The following TRPM2 variants were observed in gnomAD, a reference collection of about 807,000 sequenced individuals.
The protein encoded by TRPM2 is estrogen-responsive element-associated gene 1 protein.
TRPM2 carries 161 observed loss-of-function variants against 174.0 expected under a neutral mutation model. The observed-to-expected ratio is 0.93, with a 90% confidence interval of 0.81 to 1.05. The LOEUF (loss-of-function observed/expected upper bound fraction) is 1.05, where lower values mean the gene tolerates loss of function less well. Ranked by LOEUF, TRPM2 falls within the 50% of genes least tolerant of loss-of-function variation. The probability of loss-of-function intolerance (pLI) is 0.00; values close to 1 mark genes in which losing one functional copy is unlikely to be tolerated. For missense variants in TRPM2, 2,057 were observed against 2,038.0 expected (o/e 1.01, Z -0.18); for synonymous variants, 954 against 861.3 (o/e 1.11, Z -1.88).
At chr21:44,393,631 C>T (rs193184840) in intron 11 of TRPM2, among the ~76,000 whole-genome samples, 292 of 151,444 alleles carry the variant, frequency 1.9e-3, no homozygotes, top group African/African-American at 6.5e-3. Flanking sequence ...TAAGCTTGGT[C>T]GACTCCCCTG....
At chr21:44,413,240 T>C (rs1458480085) in intron 19 of TRPM2, among the ~76,000 whole-genome samples, 4 of 150,736 alleles carry the variant, frequency 2.7e-5, no homozygotes, top group African/African-American at 4.9e-5. Context: ...TTTTTTTTTT[T>C]TTTTTTTTAA....
intron 9 of TRPM2, among the ~76,000 whole-genome samples, chr21:44,384,379 G>T (rs576478205): frequency 6.6e-6 from 1 of 152,152 alleles, no homozygotes; most frequent in African/African-American, 2.4e-5. Context: ...AAATTGAGGG[G>T]CCAGCATCTG....
intron 8 of TRPM2, among the ~76,000 whole-genome samples, chr21:44,380,469 G>A (rs2146207689): frequency 6.6e-6 from 1 of 152,304 alleles, no homozygotes; most frequent in South Asian, 2.1e-4. Context: ...TCTCAGAACT[G>A]AGTTTAATCT....
chr21:44,352,019 G>A (rs1417824338), upstream of TRPM2, among the ~76,000 whole-genome samples: 2 of 152,324 alleles, frequency 1.3e-5, no homozygotes, highest in Admixed American at 6.5e-5. Flanking sequence ...TCCTCATCCC[G>A]TGCAGGGTGG....
At chr21:44,385,417 C>T (rs2048992550) in intron 9 of TRPM2, among the ~76,000 whole-genome samples, 1 of 152,196 alleles carries the variant, frequency 6.6e-6, no homozygotes, top group Admixed American at 6.5e-5. Flanking sequence ...AACAACCTAA[C>T]TTTACAGCTT....
intron 17 of TRPM2, 104 bp downstream of exon 17, chr21:44,405,364 T>C: frequency 6.6e-7 from 1 of 1,522,584 alleles, no homozygotes; most frequent in South Asian, 1.2e-5. Flanking sequence ...GAGGCTCAGC[T>C]CGTCTGTGAA....
chr21:44,386,410 C>T (rs1175849998), intron 9 of TRPM2, among the ~76,000 whole-genome samples: 1 of 151,328 alleles, frequency 6.6e-6, no homozygotes, highest in Non-Finnish European at 1.5e-5. Flanking sequence ...CGTTCCCCCA[C>T]CACCAAAAAA....
chr21:44,400,480 G>A, intron 15 of TRPM2, 109 bp downstream of exon 15: 1 of 941,286 alleles, frequency 1.1e-6, no homozygotes, highest in Non-Finnish European at 1.6e-6. Flanking sequence ...CAAGTCATGT[G>A]TCCTCAGAAT....
intron 2 of TRPM2, among the ~76,000 whole-genome samples, chr21:44,360,856 C>A (rs576050256): frequency 6.6e-6 from 1 of 152,038 alleles, no homozygotes; most frequent in African/African-American, 2.4e-5. Flanking sequence ...TGTGAGCCAC[C>A]GCTCTTGGCC....
At chr21:44,424,830 T>G in intron 23 of TRPM2, 22 bp from the exon 24 acceptor site, 2 of 1,543,726 alleles carry the variant, frequency 1.3e-6, no homozygotes, top group Non-Finnish European at 1.8e-6. Flanking sequence ...GTGCTCACTG[T>G]GTCTCGGGCC....
At chr21:44,386,446 A>T (rs1395535105) in intron 9 of TRPM2, among the ~76,000 whole-genome samples, 2 of 152,178 alleles carry the variant, frequency 1.3e-5, no homozygotes, top group Admixed American at 6.6e-5. Context: ...CTATACACTA[A>T]AAATGAATAA....
chr21:44,389,993 C>G (rs1569049756), intron 9 of TRPM2, among the ~76,000 whole-genome samples: 2 of 151,948 alleles, frequency 1.3e-5, no homozygotes, highest in Admixed American at 6.6e-5. Flanking sequence ...CAGCTTCAGC[C>G]TCCCAAGTAG....
intron 15 of TRPM2, 48 bp downstream of exon 15, chr21:44,400,419 G>A (rs750912951): frequency 9.8e-6 from 15 of 1,527,946 alleles, no homozygotes; most frequent in Middle Eastern, 1.8e-4. Context: ...GCGGGGCTGC[G>A]GGAGAGGCTC....
Position 44,420,901 on chromosome 21 carries a change from A to G in TRPM2, c.3461+2346A>G, listed in dbSNP as rs1190276895. On this transcript the variant is annotated intron_variant, in intron 22 of 31. Coordinates refer to ENST00000397928, the MANE Select transcript of TRPM2 (RefSeq NM_003307.4). ...TTCCTTCCACTTTTACCCATGAGGA[A>G]GTGGAGGCCCAGGAAAGTGAGAGAG... Among the ~76,000 whole-genome samples, 4 of 152,180 alleles carry G rather than the reference A, an allele frequency of 2.6e-5. 1 individual carries two copies. Among genetic ancestry groups the G allele is most frequent in the Admixed American group, 2.6e-4 (4 of 15,282 alleles).
At chr21:44,382,870 C>A (rs1308063346) in intron 9 of TRPM2, 50 bp downstream of exon 9, 1 of 1,507,626 alleles carries the variant, frequency 6.6e-7, no homozygotes. Flanking sequence ...AGAACGTGAG[C>A]TCTGAGGACG....
Position 44,441,853 on chromosome 21 carries a change from C to G in TRPM2, c.*36C>G. 6.4e-7 allele frequency: 1 copy of G among 1,558,426 alleles called. No homozygotes were observed. The highest frequency in any genetic ancestry group is 8.7e-7 in the Non-Finnish European group (1 of 1,149,534). On this transcript the variant is annotated 3_prime_UTR_variant, in exon 32 of 32. Coordinates refer to ENST00000397928, the MANE Select transcript of TRPM2 (RefSeq NM_003307.4). The stretch of plus-strand genomic sequence containing the variant: ...AGGCTGGGCGGCTCCAGTCCATAGA[C>G]GTTCCCCCCAGAAACCAGGGCTTCT...
At position 44,428,076 on chromosome 21, in the gene TRPM2, C is replaced by T. The variant is rs141842320; in HGVS notation, c.3974+965C>T. On this transcript the variant is annotated intron_variant, in intron 27 of 31. Transcript: ENST00000397928. ...GACTTGGCAGGACGTGGTGTCCATG[C>T]GGGCTTTAGTAGTGCAGAAGAGCAC... Among the ~76,000 whole-genome samples the T allele has an allele frequency of 2.6e-5, 4 of 152,228 alleles. No individual in the cohort carries two copies. In the East Asian group the frequency reaches 5.8e-4, roughly 22 times the overall value.
chr21:44,373,109 G>A (rs1398619021), intron 5 of TRPM2, among the ~76,000 whole-genome samples: 1 of 152,124 alleles, frequency 6.6e-6, no homozygotes, highest in Admixed American at 6.5e-5. Context: ...AGATGGTTGA[G>A]TGAATTGCAG....
At chr21:44,361,006 C>A (rs1280450979) in intron 2 of TRPM2, among the ~76,000 whole-genome samples, 2 of 152,196 alleles carry the variant, frequency 1.3e-5, no homozygotes, top group East Asian at 3.8e-4. Flanking sequence ...ATCCCTGCAA[C>A]CACCAGTCTT....
Sources: gnomAD v4.1 joint callset for allele counts (sites outside exome capture counted in the v4.1 genomes callset) on GRCh38, gnomAD v4.1.1 for gene constraint, MANE v1.5 for transcripts, NCBI Gene and HGNC (gene_info 2026-07-23, HGNC 2026-07-21) for gene names.